VPS33A: variants seen among roughly 807,000 people sequenced by gnomAD.
VPS33A encodes the protein VPS33A core subunit of CORVET and HOPS complexes.
A neutral mutation model predicts 71.8 loss-of-function variants in VPS33A; 32 were observed. The ratio of observed to expected loss-of-function variants is 0.45; its 90% CI spans 0.34 to 0.60. The LOEUF (loss-of-function observed/expected upper bound fraction) is 0.60. Among genes scored for constraint, VPS33A ranks in the 20% least tolerant of loss-of-function variants. The probability of loss-of-function intolerance (pLI) is 0.02; values close to 1 mark genes in which losing one functional copy is unlikely to be tolerated. For synonymous variants in VPS33A, 311 were observed against 292.7 expected (o/e 1.06, Z -0.64); for missense variants, 625 against 748.5 (o/e 0.84, Z 1.92).
intron 6 of VPS33A, chr12:122,248,068 G>GTGTGTGTGTC (rs1954799122): frequency 6.6e-6 from 1 of 151,904 alleles, no homozygotes; most frequent in African/African-American, 2.4e-5. Context: ...AGCTGTGTGT[G>GTGTGTGTGTC]TGTGTGTGTG....
intron 4 of VPS33A, among the ~76,000 whole-genome samples, chr12:122,260,643 A>T (rs974843012): frequency 2.0e-5 from 3 of 152,186 alleles, no homozygotes; most frequent in African/African-American, 7.2e-5. Flanking sequence ...TTAAAATTTT[A>T]AAATTTAACT....
At position 122,266,440 on chromosome 12, in the gene VPS33A, A is replaced by G. The variant is rs776186508; in HGVS notation, c.-32T>C. On this transcript the variant is annotated 5_prime_UTR_variant, in exon 1 of 13. Coordinates refer to ENST00000267199, the MANE Select transcript of VPS33A (RefSeq NM_022916.6). ...CCACCACCCCCTGCCCCACAACGCC[A>G]ACCGAGTCCGCCGGTTCCTACGGGA... The G allele has an allele frequency of 3.8e-6, 6 of 1,593,480 alleles. No homozygotes were observed. Among genetic ancestry groups the G allele is most frequent in the Non-Finnish European group, 5.1e-6 (6 of 1,165,074 alleles).
At chr12:122,266,160 C>A (rs1955067723) in intron 1 of VPS33A, 147 bp downstream of exon 1, 6 of 1,234,860 alleles carry the variant, frequency 4.9e-6, no homozygotes, top group Non-Finnish European at 6.6e-6. Context: ...GCCTCCTGCA[C>A]AGGGGTGCAG....
intron 4 of VPS33A, among the ~76,000 whole-genome samples, chr12:122,255,444 G>A (rs1057195174): frequency 3.9e-5 from 6 of 152,188 alleles, no homozygotes; most frequent in Non-Finnish European, 5.9e-5. Flanking sequence ...AATGGCCCAC[G>A]CCTGTAATCC....
rs1173532288 is a variant in VPS33A, at chr12:122,238,465, A to G, written c.1302+122T>C. On this transcript the variant is annotated intron_variant, in intron 10 of 12. Coordinates refer to ENST00000267199, the MANE Select transcript of VPS33A (RefSeq NM_022916.6). ...TCAAACTCCTAACCTCAAGTGATCC[A>G]CCTGCTTTGGCCTCCCAAAGTGCTG... is the stretch of plus-strand genomic sequence containing the variant. The G allele has an allele frequency of 9.1e-6, 11 of 1,212,712 alleles. No individual in the cohort carries two copies. The East Asian group carries it at 2.7e-4, about 30-fold the overall frequency. 75.1% of individuals were successfully genotyped at this position (1,212,712 alleles called of 1,614,324 possible). A position where few individuals can be genotyped will look rare whatever the true frequency, so the allele number is the denominator to read the frequency against.
rs577517993 is a variant in VPS33A, at chr12:122,266,472, C to T, written c.-64G>A. On this transcript the variant is annotated 5_prime_UTR_variant, in exon 1 of 13. It adds an upstream start codon to the 5' untranslated region. Transcript: ENST00000267199. Reference sequence around the variant, plus strand: ...TCCGCCGGTTCCTACGGGAGGACCACGGACGCAGTCACGTGACCAAACGTC... The same window carrying T: ...TCCGCCGGTTCCTACGGGAGGACCATGGACGCAGTCACGTGACCAAACGTC... 3.8e-6 allele frequency: 6 copies of T among 1,569,084 alleles called. No homozygotes were observed. The highest frequency in any genetic ancestry group is 5.2e-6 in the Non-Finnish European group (6 of 1,151,630).
chr12:122,266,139 C>G lies in VPS33A; in HGVS notation c.102+168G>C, dbSNP rs2277333. On this transcript the variant is annotated intron_variant, in intron 1 of 12. Transcript: ENST00000267199. ...CCAGGCTGTACGCCCAGGGCCCCCC[C>G]CTTCATCGCTGCCTCCTGCACAGGG... Among the ~76,000 whole-genome samples, 35,616 of 152,190 alleles carry G rather than the reference C, an allele frequency of 0.23. 5,019 individuals are homozygous for G. The highest frequency in any genetic ancestry group is 0.62 in the East Asian group (3,200 of 5,158).
intron 4 of VPS33A, among the ~76,000 whole-genome samples, chr12:122,255,941 T>A (rs1477672757): frequency 6.6e-6 from 1 of 151,902 alleles, no homozygotes; most frequent in Non-Finnish European, 1.5e-5. Flanking sequence ...GTTACTGGAA[T>A]GACAGGTGCA....
rs924210477 is a variant in VPS33A at position 122,231,653 on chromosome 12, C to A, written c.*593G>T. The A allele has an allele frequency of 6.5e-6, 1 of 153,242 alleles. No individual in the cohort carries two copies. Among genetic ancestry groups the A allele is most frequent in the African/African-American group, 2.4e-5 (1 of 41,524 alleles). The allele number at this position is 153,242 out of a possible 1,614,324, so 9.5% of individuals were successfully genotyped here. On this transcript the variant is annotated 3_prime_UTR_variant, in exon 13 of 13. Transcript: ENST00000267199. ...GTCTGGCTGAATGGATTATCTACCC[C>A]CACCATCCTTAATGTATTTCCAGAG... is the stretch of plus-strand genomic sequence containing the variant.
chr12:122,235,202 T>C (rs1209408859), intron 11 of VPS33A, among the ~76,000 whole-genome samples: 3 of 151,736 alleles, frequency 2.0e-5, no homozygotes, highest in East Asian at 1.9e-4. Context: ...TCAAGCGATC[T>C]GACCCTTCAG....
intron 3 of VPS33A, among the ~76,000 whole-genome samples, 170 bp downstream of exon 3, chr12:122,263,402 A>G (rs1955024599): frequency 6.6e-6 from 1 of 150,808 alleles, no homozygotes; most frequent in African/African-American, 2.4e-5. Flanking sequence ...AACTATCTCC[A>G]CCTCCCCCCA....
intron 4 of VPS33A, among the ~76,000 whole-genome samples, chr12:122,252,258 TTTTTTATTTTTA>T (rs199797222): frequency 2.6e-5 from 4 of 151,846 alleles, no homozygotes; most frequent in Non-Finnish European, 5.9e-5. Context: ...CCCCATCTCT[TTTTTTATTTTTA>T]TTTTTATTTT....
In VPS33A at chr12:122,244,672, A is replaced by G. The variant is rs1203566435; in HGVS notation, c.866T>C (p.Leu289Pro). 6.2e-7 allele frequency: 1 copy of G among 1,614,194 alleles called. No individual in the cohort carries two copies. Among genetic ancestry groups the G allele is most frequent in the East Asian group, 2.2e-5 (1 of 44,890 alleles). The change falls in exon 7 of 13, where the codon CTG becomes CCG. Residue 289 changes from leucine (L) to proline (P), a missense_variant. Transcript: ENST00000267199. ...AGCATAGAGCTCCTCTGCAGAATTC[A>G]GCTGCAGCTTCTTTGCTTCCGTGGG... ...DLPTEAKKLQ[L>P]NSAEELYAEI...
At chr12:122,262,662 C>G (rs1165991575) in intron 3 of VPS33A, among the ~76,000 whole-genome samples, 1 of 146,646 alleles carries the variant, frequency 6.8e-6, no homozygotes, top group African/African-American at 2.6e-5. Flanking sequence ...AAAATAACTG[C>G]TGGAGGTTTA....
chr12:122,258,908 G>A (rs1954952916), intron 4 of VPS33A, among the ~76,000 whole-genome samples: 1 of 150,772 alleles, frequency 6.6e-6, no homozygotes, highest in Non-Finnish European at 1.5e-5. Context: ...TTGAGCCTGG[G>A]AGGCCGAGGT....
At chr12:122,236,138 C>T (rs1483945603) in intron 10 of VPS33A, among the ~76,000 whole-genome samples, 1 of 151,996 alleles carries the variant, frequency 6.6e-6, no homozygotes, top group East Asian at 1.9e-4. Flanking sequence ...CTCACTGTTT[C>T]AAAGAGAAAT....
At chr12:122,262,492 C>T (rs1025852286) in intron 3 of VPS33A, among the ~76,000 whole-genome samples, 4 of 152,048 alleles carry the variant, frequency 2.6e-5, no homozygotes, top group Non-Finnish European at 5.9e-5. Context: ...CAAAAATAGC[C>T]CATATGCTTT....
chr12:122,256,626 C>CCAG (rs988804197), intron 4 of VPS33A, among the ~76,000 whole-genome samples: 16 of 150,054 alleles, frequency 1.1e-4, no homozygotes, highest in South Asian at 2.1e-4. Context: ...AGCAGCGGCA[C>CCAG]CAGCAGCAGC....
Position 122,230,683 on chromosome 12 carries a change from A to G in VPS33A, c.*1563T>C, listed in dbSNP as rs1368825692. 1 of 152,188 alleles carries G rather than the reference A, an allele frequency of 6.6e-6. No homozygotes were observed. The highest frequency in any genetic ancestry group is 1.5e-5 in the Non-Finnish European group (1 of 68,030). The allele number at this position is 152,188 out of a possible 1,614,324, so 9.4% of individuals were successfully genotyped here. On this transcript the variant is annotated 3_prime_UTR_variant, in exon 13 of 13. Transcript: ENST00000267199. ...ACAACCAAAATCACACCTGGCTGGG[A>G]CCCAGCAAAGCAGGGGACCAGCTAG...
Sources: gnomAD v4.1 joint callset for allele counts (sites outside exome capture counted in the v4.1 genomes callset) on GRCh38, gnomAD v4.1.1 for gene constraint, MANE v1.5 for transcripts, NCBI Gene and HGNC (gene_info 2026-07-23, HGNC 2026-07-21) for gene names.